Variants in MPDZ observed in about 807,000 individuals in gnomAD.
MPDZ encodes multiple PDZ domain protein.
Under a neutral mutation model 239.1 loss-of-function variants are expected in MPDZ, and 234 were observed. The ratio of observed to expected loss-of-function variants is 0.98; its 90% CI spans 0.88 to 1.09. MPDZ has a LOEUF of 1.09. MPDZ is among the 50% of genes least tolerant of loss of function. The probability of loss-of-function intolerance (pLI) is 0.00; values close to 1 mark genes in which losing one functional copy is unlikely to be tolerated. For synonymous variants in MPDZ, 1,048 were observed against 881.3 expected (o/e 1.19, Z -3.35); for missense variants, 3,175 against 2,510.0 (o/e 1.26, Z -5.66).
Position 13,131,466 on chromosome 9 carries a change from G to A in MPDZ, c.4464+2358C>T, listed in dbSNP as rs117051620. ...AAAGTGAGACCCAGACAAGTTAAACGGTGTAGAAAAACAGCCTGTTGTATG... is the reference window on the plus strand; with the variant it reads ...AAAGTGAGACCCAGACAAGTTAAACAGTGTAGAAAAACAGCCTGTTGTATG... On this transcript the variant is annotated intron_variant, in intron 32 of 46. Transcript: ENST00000319217. Among the ~76,000 whole-genome samples, 392 of 152,232 alleles carry A rather than the reference G, an allele frequency of 2.6e-3. 1 individual carries two copies. Among genetic ancestry groups the A allele is most frequent in the Non-Finnish European group, 4.6e-3 (312 of 68,018 alleles).
rs2139712666 is a variant in MPDZ at position 13,279,528 on chromosome 9, G to A, written c.-186C>T. The A allele has an allele frequency of 5.9e-5, 1 of 16,858 alleles. No homozygotes were observed. The highest frequency in any genetic ancestry group is 3.5e-3 in the East Asian group (1 of 286). 1.0% of individuals were successfully genotyped at this position (16,858 alleles called of 1,614,324 possible). A position where few individuals can be genotyped will look rare whatever the true frequency, so the allele number is the denominator to read the frequency against. On this transcript the variant is annotated 5_prime_UTR_variant, in exon 1 of 47. Coordinates refer to ENST00000319217, the MANE Select transcript of MPDZ (RefSeq NM_001378778.1). ...TCTTCTCTTCTGAAGTAACGACCCGGCGAGGAGCTTCGGATCAAAACGCAC... is the reference window on the plus strand; with the variant it reads ...TCTTCTCTTCTGAAGTAACGACCCGACGAGGAGCTTCGGATCAAAACGCAC...
intron 36 of MPDZ, among the ~76,000 whole-genome samples, chr9:13,122,754 T>G (rs1944543074): frequency 1.3e-5 from 2 of 152,104 alleles, no homozygotes; most frequent in South Asian, 4.1e-4. Context: ...TGGCCTCAAG[T>G]GATCCACCTG....
chr9:13,188,608 TA>T (rs1461155721), intron 17 of MPDZ, among the ~76,000 whole-genome samples, 175 bp downstream of exon 17: 1 of 152,156 alleles, frequency 6.6e-6, no homozygotes, highest in Non-Finnish European at 1.5e-5. Flanking sequence ...TTCTTTCCTT[TA>T]TTTTTTTTGA....
At chr9:13,261,167 A>G (rs1970596113) in intron 1 of MPDZ, among the ~76,000 whole-genome samples, 2 of 152,222 alleles carry the variant, frequency 1.3e-5, no homozygotes, top group Admixed American at 1.3e-4. Context: ...AGAAGCTAAA[A>G]TGGGGTACAC....
intron 3 of MPDZ, among the ~76,000 whole-genome samples, chr9:13,229,876 T>C (rs2136670423): frequency 6.6e-6 from 1 of 152,250 alleles, no homozygotes; most frequent in East Asian, 1.9e-4. Flanking sequence ...TTTAAGTTCC[T>C]TGCATTTTTT....
chr9:13,183,402 G>C lies in MPDZ; in HGVS notation c.2649+16C>G. 1.3e-6 allele frequency: 2 copies of C among 1,576,324 alleles called. No homozygotes were observed. The highest frequency in any genetic ancestry group is 1.7e-6 in the Non-Finnish European group (2 of 1,165,986). Reference sequence around the variant, plus strand: ...AAGACTTTCCTATAAAAGAAAAATTGGCTTTTCCTTTGTACCTTAGGAGGA... The same window carrying C: ...AAGACTTTCCTATAAAAGAAAAATTCGCTTTTCCTTTGTACCTTAGGAGGA... On this transcript the variant is annotated intron_variant, in intron 19 of 46. Coordinates refer to ENST00000319217, the MANE Select transcript of MPDZ (RefSeq NM_001378778.1).
chr9:13,269,965 C>T (rs1368694088), intron 1 of MPDZ, among the ~76,000 whole-genome samples: 2 of 152,138 alleles, frequency 1.3e-5, no homozygotes, highest in Non-Finnish European at 1.5e-5. Context: ...TACTAATTCA[C>T]AGATAATGTA....
intron 28 of MPDZ, among the ~76,000 whole-genome samples, chr9:13,139,361 G>A (rs1947303928): frequency 6.6e-6 from 1 of 152,194 alleles, no homozygotes; most frequent in African/African-American, 2.4e-5. Flanking sequence ...CCTTAGAAAA[G>A]AGAGACTCCC....
intron 22 of MPDZ, among the ~76,000 whole-genome samples, chr9:13,167,026 A>T (rs950178554): frequency 1.3e-5 from 2 of 152,110 alleles, no homozygotes; most frequent in African/African-American, 4.8e-5. Context: ...GTATCAGCAC[A>T]CACAGCATAA....
At chr9:13,234,852 C>G (rs1257109460) in intron 3 of MPDZ, among the ~76,000 whole-genome samples, 2 of 151,734 alleles carry the variant, frequency 1.3e-5, no homozygotes, top group Non-Finnish European at 1.5e-5. Flanking sequence ...GTATTTTCTT[C>G]TTGCAGGACA....
intron 19 of MPDZ, among the ~76,000 whole-genome samples, chr9:13,178,530 T>C (rs1393315307): frequency 6.6e-6 from 1 of 152,208 alleles, no homozygotes; most frequent in African/African-American, 2.4e-5. Flanking sequence ...AAATAACTCA[T>C]AATTTCAAAT....
chr9:13,143,340 G>C, intron 27 of MPDZ, 126 bp downstream of exon 27: 2 of 706,672 alleles, frequency 2.8e-6, no homozygotes, highest in Non-Finnish European at 4.8e-6. Context: ...AAACAGCTTT[G>C]TTTTTTTGTT....
At chr9:13,273,471 G>A (rs186171958) in intron 1 of MPDZ, among the ~76,000 whole-genome samples, 4 of 152,262 alleles carry the variant, frequency 2.6e-5, no homozygotes, top group Non-Finnish European at 4.4e-5. Flanking sequence ...TAAAGTTACT[G>A]TGAAATTAAC....
chr9:13,114,881 C>A (rs543645625), intron 40 of MPDZ, among the ~76,000 whole-genome samples: 1 of 151,820 alleles, frequency 6.6e-6, no homozygotes, highest in Non-Finnish European at 1.5e-5. Flanking sequence ...GCCTGGGTGA[C>A]AGAGCGAGAC....
intron 1 of MPDZ, among the ~76,000 whole-genome samples, chr9:13,269,050 T>C (rs1972416447): frequency 6.6e-6 from 1 of 151,974 alleles, no homozygotes; most frequent in African/African-American, 2.4e-5. Flanking sequence ...AGAGCCTAGA[T>C]GAAGGTAATG....
At chr9:13,193,678 C>T (rs147524700) in intron 13 of MPDZ, among the ~76,000 whole-genome samples, 122 of 152,240 alleles carry the variant, frequency 8.0e-4, no homozygotes, top group African/African-American at 2.6e-3. Context: ...AAACAAAGAA[C>T]GCAGAACCAC....
intron 22 of MPDZ, among the ~76,000 whole-genome samples, chr9:13,166,390 T>C (rs1951077326): frequency 6.6e-6 from 1 of 152,146 alleles, no homozygotes; most frequent in Non-Finnish European, 1.5e-5. Context: ...TTTTAAAATC[T>C]AACATATTTT....
chr9:13,141,105 A>T (rs1947604312), intron 27 of MPDZ, among the ~76,000 whole-genome samples: 2 of 152,232 alleles, frequency 1.3e-5, no homozygotes, highest in African/African-American at 4.8e-5. Flanking sequence ...TCGAAAAAAA[A>T]AAAAAAAAGT....
At chr9:13,217,331 C>T (rs565760344) in intron 8 of MPDZ, 37 bp from the exon 9 acceptor site, 16 of 1,322,578 alleles carry the variant, frequency 1.2e-5, no homozygotes, top group African/African-American at 6.1e-5. Flanking sequence ...TGAAATAATA[C>T]GTAAAAAAAA....
Sources: gnomAD v4.1 joint callset for allele counts (sites outside exome capture counted in the v4.1 genomes callset) on GRCh38, gnomAD v4.1.1 for gene constraint, MANE v1.5 for transcripts, NCBI Gene and HGNC (gene_info 2026-07-23, HGNC 2026-07-21) for gene names.